Variants in LUZP2 observed in about 807,000 individuals in gnomAD.
LUZP2 encodes the protein leucine zipper protein 2.
LUZP2 carries 52 observed loss-of-function variants against 51.6 expected under a neutral mutation model. The ratio of observed to expected loss-of-function variants is 1.01; its 90% CI spans 0.81 to 1.27. The LOEUF (loss-of-function observed/expected upper bound fraction) is 1.27, where lower values mean the gene tolerates loss of function less well. LUZP2 is among the 50% of genes most tolerant of loss of function. LUZP2 has a pLI of 0.00. For missense variants in LUZP2, 436 were observed against 395.4 expected (o/e 1.10, Z -0.87); for synonymous variants, 154 against 137.3 (o/e 1.12, Z -0.85).
At chr11:24,527,561 T>TCG (rs1292437242) in intron 1 of LUZP2, among the ~76,000 whole-genome samples, 1 of 122,486 alleles carries the variant, frequency 8.2e-6, no homozygotes, top group Admixed American at 8.2e-5. Flanking sequence ...TCTCTCTCTC[T>TCG]CTCTCTCACA....
At chr11:24,740,129 T>C (rs572294381) in intron 4 of LUZP2, among the ~76,000 whole-genome samples, 1 of 152,150 alleles carries the variant, frequency 6.6e-6, no homozygotes, top group Non-Finnish European at 1.5e-5. Flanking sequence ...TCACACAGAC[T>C]ATTTTCTCTG....
At chr11:24,512,519 C>T (rs920728919) in intron 1 of LUZP2, among the ~76,000 whole-genome samples, 1 of 151,996 alleles carries the variant, frequency 6.6e-6, no homozygotes. Context: ...ATGAAGTTAC[C>T]TAAGTATGTA....
At chr11:25,074,859 A>G (rs1210458586) in intron 10 of LUZP2, among the ~76,000 whole-genome samples, 2 of 152,124 alleles carry the variant, frequency 1.3e-5, no homozygotes, top group African/African-American at 2.4e-5. Context: ...ACTTTAAGAT[A>G]TTGTATAAGA....
At chr11:24,697,385 A>G (rs1248601981) in intron 1 of LUZP2, among the ~76,000 whole-genome samples, 1 of 152,160 alleles carries the variant, frequency 6.6e-6, no homozygotes. Flanking sequence ...AGAAGTATAA[A>G]CTTCATTTTT....
At chr11:24,763,169 C>T in intron 4 of LUZP2, 77 bp from the exon 5 acceptor site, 1 of 678,476 alleles carries the variant, frequency 1.5e-6, no homozygotes, top group Non-Finnish European at 2.3e-6. Context: ...TATTATTTCT[C>T]AAAATAATGA....
At chr11:24,773,802 C>T (rs1031713891) in intron 5 of LUZP2, among the ~76,000 whole-genome samples, 1 of 152,120 alleles carries the variant, frequency 6.6e-6, no homozygotes, top group Admixed American at 6.5e-5. Flanking sequence ...GAGGAGTGCA[C>T]ATGCTTGCCA....
chr11:25,057,368 C>G (rs932837350), intron 10 of LUZP2, among the ~76,000 whole-genome samples: 2 of 152,024 alleles, frequency 1.3e-5, no homozygotes, highest in African/African-American at 4.8e-5. Flanking sequence ...ATTCCTTGTT[C>G]CTTTTTAAAG....
intron 7 of LUZP2, among the ~76,000 whole-genome samples, chr11:24,935,505 TAAAATTATGGATTA>T (rs1395362645): frequency 6.6e-6 from 1 of 152,194 alleles, no homozygotes; most frequent in African/African-American, 2.4e-5. Context: ...TTTTAGGTTC[TAAAATTATGGATTA>T]AAAATTATGG....
At chr11:24,987,840 T>A (rs576811773) in intron 9 of LUZP2, among the ~76,000 whole-genome samples, 9 of 152,068 alleles carry the variant, frequency 5.9e-5, no homozygotes, top group African/African-American at 2.2e-4. Context: ...GCACCTGGAA[T>A]CATCATAAGC....
chr11:24,729,218 C>A lies in LUZP2; in HGVS notation c.112C>A (p.Arg38=). The change falls in exon 2 of 12, where the codon CGA becomes AGA. Residue 38 remains arginine, a synonymous_variant. Coordinates refer to ENST00000336930, the MANE Select transcript of LUZP2 (RefSeq NM_001009909.4). ...GCAGCTGAAAGAAGTCTTTAAGGAG[C>A]GAAGCACCATTCTTCGTCAGCTGAC... The part of the protein sequence containing the change: ...EKQLKEVFKE[R]STILRQLTKT... 1 of 1,577,284 alleles carries A rather than the reference C, an allele frequency of 6.3e-7. No individual in the cohort carries two copies. Among genetic ancestry groups the A allele is most frequent in the East Asian group, 2.3e-5 (1 of 43,754 alleles).
At chr11:24,784,612 A>G (rs1233317078) in intron 5 of LUZP2, among the ~76,000 whole-genome samples, 1 of 151,960 alleles carries the variant, frequency 6.6e-6, no homozygotes, top group Non-Finnish European at 1.5e-5. Flanking sequence ...TTTGTTTTGC[A>G]AGGGAAGTGT....
At chr11:24,615,206 A>G (rs376397253) in intron 1 of LUZP2, among the ~76,000 whole-genome samples, 1 of 151,956 alleles carries the variant, frequency 6.6e-6, no homozygotes, top group Non-Finnish European at 1.5e-5. Flanking sequence ...TCATAAAACT[A>G]TAGTATCACA....
chr11:24,640,649 G>A (rs1040339312), intron 1 of LUZP2, among the ~76,000 whole-genome samples: 3 of 151,860 alleles, frequency 2.0e-5, no homozygotes, highest in Non-Finnish European at 2.9e-5. Context: ...TGGTGTAAAA[G>A]CATGTTAGAA....
At chr11:24,745,986 T>TC (rs1414122916) in intron 4 of LUZP2, among the ~76,000 whole-genome samples, 1 of 152,162 alleles carries the variant, frequency 6.6e-6, no homozygotes, top group Non-Finnish European at 1.5e-5. Context: ...TCAGTTCTTA[T>TC]CCATTCTGCA....
At chr11:24,956,747 A>G (rs1233032859) in intron 7 of LUZP2, among the ~76,000 whole-genome samples, 1 of 152,082 alleles carries the variant, frequency 6.6e-6, no homozygotes, top group East Asian at 1.9e-4. Flanking sequence ...AAAAAGATGA[A>G]CAGGGGTGAA....
At chr11:24,754,668 G>A (rs114062529) in intron 4 of LUZP2, among the ~76,000 whole-genome samples, 2,202 of 152,240 alleles carry the variant, frequency 0.014, 26 homozygotes, top group Non-Finnish European at 0.018. Flanking sequence ...GCTCCACTTG[G>A]CATTTATAGG....
At chr11:24,707,298 C>CTG (rs1279064036) in intron 1 of LUZP2, among the ~76,000 whole-genome samples, 3 of 149,126 alleles carry the variant, frequency 2.0e-5, no homozygotes, top group East Asian at 1.9e-4. Context: ...CTCTCTCATT[C>CTG]TGTGTGTGCG....
chr11:24,520,200 C>A (rs1351425697), intron 1 of LUZP2, among the ~76,000 whole-genome samples: 2 of 151,946 alleles, frequency 1.3e-5, no homozygotes, highest in African/African-American at 4.8e-5. Flanking sequence ...CAAGAAGATG[C>A]AATGGAATTA....
At chr11:24,953,852 T>C (rs1317069680) in intron 7 of LUZP2, among the ~76,000 whole-genome samples, 8 of 152,014 alleles carry the variant, frequency 5.3e-5, no homozygotes, top group African/African-American at 1.7e-4. Flanking sequence ...TGCAAATCCC[T>C]ATTGTCTAGT....
Sources: gnomAD v4.1 joint callset for allele counts (sites outside exome capture counted in the v4.1 genomes callset) on GRCh38, gnomAD v4.1.1 for gene constraint, MANE v1.5 for transcripts, NCBI Gene and HGNC (gene_info 2026-07-23, HGNC 2026-07-21) for gene names.